Variants in CFAP47 observed in about 807,000 individuals in gnomAD.
CFAP47 encodes the protein cilia- and flagella-associated protein 47.
In CFAP47, 29 loss-of-function variants were observed where a neutral mutation model predicts 148.1. That is an observed-to-expected ratio of 0.20 (90% CI 0.15 to 0.27). CFAP47 has a LOEUF of 0.27. Ranked by LOEUF, CFAP47 falls within the 10% of genes least tolerant of loss-of-function variation. The pLI is 1.00. For missense variants in CFAP47, 1,872 were observed against 1,697.5 expected (o/e 1.10, Z -1.81); for synonymous variants, 664 against 577.3 (o/e 1.15, Z -2.15).
At chrX:36,193,214 C>A (rs1334655692) in intron 42 of CFAP47, among the ~76,000 whole-genome samples, 2 of 111,448 alleles carry the variant, frequency 1.8e-5, no homozygotes. Flanking sequence ...GAATGTGCAA[C>A]TTTTTTCAAT....
At chrX:36,073,984 C>T (rs1448879517) in intron 29 of CFAP47, among the ~76,000 whole-genome samples, 1 of 111,901 alleles carries the variant, frequency 8.9e-6, no homozygotes, top group Admixed American at 9.5e-5. Flanking sequence ...CTTGCTGCAA[C>T]CACGGCAGGG....
intron 33 of CFAP47, among the ~76,000 whole-genome samples, chrX:36,136,499 A>G (rs1408004861): frequency 9.0e-6 from 1 of 110,872 alleles, no homozygotes; most frequent in African/African-American, 3.3e-5. Flanking sequence ...TAACTACAAA[A>G]GTGAAATATT....
At chrX:36,319,787 G>T (rs1941463724) in intron 57 of CFAP47, among the ~76,000 whole-genome samples, 2 of 110,580 alleles carry the variant, frequency 1.8e-5, no homozygotes, top group South Asian at 3.8e-4. Context: ...GTTGTTGTTT[G>T]GTTTTGTTTT....
rs782070985 is a variant in CFAP47, at chrX:36,342,781, T to TATG, written c.8444-5347_8444-5345dup. 2.9e-4 allele frequency among the ~76,000 whole-genome samples: 33 copies of TATG among 111,917 alleles called. No individual in the cohort carries two copies. The South Asian group carries it at 0.011, about 36-fold the overall frequency. On this transcript the variant is annotated intron_variant, in intron 57 of 63. Transcript: ENST00000378653. ...CATGGGTAGATTTTTTTGTTGTTGATATGTAATTCATGGTGTTTCTTTTTT... is the reference window on the plus strand; with the variant it reads ...CATGGGTAGATTTTTTTGTTGTTGATATGATGTAATTCATGGTGTTTCTTTTTT...
chrX:36,103,520 A>C (rs1019231894), intron 32 of CFAP47, among the ~76,000 whole-genome samples: 4 of 103,056 alleles, frequency 3.9e-5, no homozygotes, highest in Non-Finnish European at 7.9e-5. Context: ...AAAAAAAAAA[A>C]AAAAAAAAAC....
At chrX:36,319,894 C>T (rs1313822858) in intron 57 of CFAP47, among the ~76,000 whole-genome samples, 4 of 111,282 alleles carry the variant, frequency 3.6e-5, no homozygotes, top group South Asian at 3.8e-4. Flanking sequence ...GGCACAATCT[C>T]GGCTCACTGC....
chrX:35,980,156 G>C (rs1040743316), intron 15 of CFAP47, among the ~76,000 whole-genome samples: 1 of 111,957 alleles, frequency 8.9e-6, no homozygotes, highest in Non-Finnish European at 1.9e-5. Flanking sequence ...AGAGGCTGAG[G>C]CCCAGTGTTC....
chrX:36,301,033 A>G, intron 52 of CFAP47, 39 bp from the exon 53 acceptor site: 2 of 864,077 alleles, frequency 2.3e-6, no homozygotes, highest in Non-Finnish European at 1.7e-6. Context: ...TACACAAACT[A>G]AAACTGCTGA....
chrX:36,349,505 C>G lies in CFAP47; in HGVS notation c.8604-533C>G, dbSNP rs180785329. Among the ~76,000 whole-genome samples, 18 of 111,486 alleles carry G rather than the reference C, an allele frequency of 1.6e-4. 1 individual carries two copies. The South Asian group carries it at 4.9e-3, about 30-fold the overall frequency. On this transcript the variant is annotated intron_variant, in intron 58 of 63. Transcript: ENST00000378653. ...CTTGAACTCCTGACCTCAAGTGATC[C>G]GCCTGCCTCAGCCTTCCAAAGTGCT...
intron 60 of CFAP47, among the ~76,000 whole-genome samples, chrX:36,354,142 T>C (rs1264867124): frequency 8.9e-6 from 1 of 111,831 alleles, no homozygotes; most frequent in African/African-American, 3.2e-5. Flanking sequence ...ATAATAATAA[T>C]AATGCTTCAC....
chrX:36,332,910 A>C (rs1556014267), intron 57 of CFAP47, among the ~76,000 whole-genome samples: 2 of 112,389 alleles, frequency 1.8e-5, no homozygotes, highest in African/African-American at 6.5e-5. Flanking sequence ...CATATGCAGC[A>C]AAGTATATAC....
chrX:36,003,449 T>C (rs1370163470), intron 21 of CFAP47, among the ~76,000 whole-genome samples: 1 of 109,594 alleles, frequency 9.1e-6, no homozygotes, highest in African/African-American at 3.3e-5. Flanking sequence ...CAGGCTAATA[T>C]TGGCTTCTTA....
At chrX:35,959,258 T>C (rs1301343030) in intron 8 of CFAP47, among the ~76,000 whole-genome samples, 1 of 112,335 alleles carries the variant, frequency 8.9e-6, no homozygotes, top group Non-Finnish European at 1.9e-5. Context: ...GCAAGAGTTC[T>C]TTATATATTC....
intron 4 of CFAP47, 53 bp downstream of exon 4, chrX:35,948,505 C>T (rs976090522): frequency 1.6e-4 from 160 of 971,923 alleles, no homozygotes; most frequent in South Asian, 3.4e-4. Context: ...AATGCTTTCC[C>T]GTTTAACCCT....
chrX:36,066,887 A>G (rs1193718928), intron 27 of CFAP47, among the ~76,000 whole-genome samples: 3 of 112,030 alleles, frequency 2.7e-5, no homozygotes, highest in Non-Finnish European at 5.6e-5. Flanking sequence ...AAAGCAGCAG[A>G]GGAAATTAAA....
chrX:36,160,298 C>T lies in CFAP47; in HGVS notation c.5938-383C>T, dbSNP rs190800568. Among the ~76,000 whole-genome samples, 577 of 111,096 alleles carry T rather than the reference C, an allele frequency of 5.2e-3. 1 individual carries two copies. The highest frequency in any genetic ancestry group is 0.017 in the African/African-American group (509 of 30,523). ...CCTGAATAATGAACATGTACTTTTC[C>T]CAACCCTCTCACACAAATTATCTGA... On this transcript the variant is annotated intron_variant, in intron 38 of 63. Coordinates refer to ENST00000378653, the MANE Select transcript of CFAP47 (RefSeq NM_001304548.2).
At chrX:35,941,505 C>A in intron 3 of CFAP47, 107 bp downstream of exon 3, 1 of 417,004 alleles carries the variant, frequency 2.4e-6, no homozygotes, top group Non-Finnish European at 4.0e-6. Context: ...AAAGGTCTAT[C>A]ATTTCAAATA....
intron 45 of CFAP47, among the ~76,000 whole-genome samples, chrX:36,222,875 C>A (rs1331030185): frequency 1.8e-5 from 2 of 110,897 alleles, no homozygotes; most frequent in African/African-American, 6.6e-5. Context: ...GATCTGTGTC[C>A]TTGCTCAAAT....
At chrX:36,376,184 C>A (rs782480615) in intron 62 of CFAP47, among the ~76,000 whole-genome samples, 1 of 112,145 alleles carries the variant, frequency 8.9e-6, no homozygotes, top group African/African-American at 3.2e-5. Flanking sequence ...ATTCTGGAGG[C>A]CTTGCAAACC....
Sources: allele counts gnomAD v4.1 joint callset (sites outside exome capture counted in the v4.1 genomes callset), GRCh38; gene constraint gnomAD v4.1.1; transcripts MANE v1.5; gene names NCBI Gene and HGNC (gene_info 2026-07-23, HGNC 2026-07-21).